PTPRD: variants seen among roughly 807,000 people sequenced by gnomAD.
The protein encoded by PTPRD is receptor-type tyrosine-protein phosphatase delta.
PTPRD carries 34 observed loss-of-function variants against 214.5 expected under a neutral mutation model. The ratio of observed to expected loss-of-function variants is 0.16; its 90% CI spans 0.12 to 0.21. The LOEUF (loss-of-function observed/expected upper bound fraction) is 0.21. Among genes scored for constraint, PTPRD ranks in the 10% least tolerant of loss-of-function variants. PTPRD has a pLI of 1.00. For missense variants in PTPRD, 2,545 were observed against 2,398.7 expected, an observed-to-expected ratio of 1.06 and a Z score of -1.27; for synonymous variants, 1,128 against 845.7, an observed-to-expected ratio of 1.33 and a Z score of -5.79.
At position 8,951,604 on chromosome 9, in the gene PTPRD, T is replaced by C. The variant is rs561429432; in HGVS notation, c.-104+67093A>G. On this transcript the variant is annotated intron_variant, in intron 11 of 45. Transcript: ENST00000381196. ...CCCATCTCCTATGTCTAATGTTCTT[T>C]ATTGCACTGCTAGTCACCCAGTTAC... 2.6e-5 allele frequency among the ~76,000 whole-genome samples: 4 copies of C among 152,148 alleles called. No homozygotes were observed. In the South Asian group the frequency reaches 8.3e-4, roughly 32 times the overall value.
chr9:9,658,696 C>G (rs993506890), intron 7 of PTPRD, among the ~76,000 whole-genome samples: 3 of 152,114 alleles, frequency 2.0e-5, no homozygotes, highest in Non-Finnish European at 2.9e-5. Flanking sequence ...CATTAAGTAG[C>G]TTAAGATATT....
intron 9 of PTPRD, among the ~76,000 whole-genome samples, chr9:9,213,075 A>T (rs2132942757): frequency 6.6e-6 from 1 of 152,318 alleles, no homozygotes; most frequent in East Asian, 1.9e-4. Context: ...AATGAAGTTG[A>T]AACGATGCAC....
chr9:9,191,649 T>G (rs539676138), intron 9 of PTPRD, among the ~76,000 whole-genome samples: 55 of 152,112 alleles, frequency 3.6e-4, no homozygotes, highest in Non-Finnish European at 7.4e-4. Context: ...TATCTGAAGT[T>G]GAAAGCAATG....
At chr9:10,590,567 G>A (rs2075177923) in intron 2 of PTPRD, among the ~76,000 whole-genome samples, 1 of 151,864 alleles carries the variant, frequency 6.6e-6, no homozygotes, top group African/African-American at 2.4e-5. Flanking sequence ...AAAGCATACT[G>A]TATATAATAT....
chr9:9,470,502 T>C (rs1042308004), intron 8 of PTPRD, among the ~76,000 whole-genome samples: 2 of 152,118 alleles, frequency 1.3e-5, no homozygotes, highest in Non-Finnish European at 2.9e-5. Context: ...ATTGGAAAAA[T>C]AGAATTTTAG....
intron 7 of PTPRD, among the ~76,000 whole-genome samples, chr9:9,712,397 TA>T (rs5896349): frequency 0.057 from 8,721 of 152,120 alleles, 610 homozygotes; most frequent in East Asian, 0.36. Flanking sequence ...GTAATTTAAT[TA>T]AAAAAAATTA....
intron 11 of PTPRD, among the ~76,000 whole-genome samples, chr9:8,845,707 A>C (rs2097679964): frequency 6.6e-6 from 1 of 152,220 alleles, no homozygotes; most frequent in Non-Finnish European, 1.5e-5. Context: ...CAAGAGGCCC[A>C]TGTGTGAGAC....
At chr9:8,323,516 C>G (rs10758953) in intron 44 of PTPRD, among the ~76,000 whole-genome samples, 43,121 of 152,014 alleles carry the variant, frequency 0.28, 6,665 homozygotes, top group East Asian at 0.39. Flanking sequence ...TCAACAGTAA[C>G]AGGAGTTTGG....
At chr9:9,789,796 CAAAAAAAAAAAAAAAAAAAAA>C (rs774579667) in intron 5 of PTPRD, among the ~76,000 whole-genome samples, 1 of 40,832 alleles carries the variant, frequency 2.4e-5, no homozygotes, top group Non-Finnish European at 4.7e-5. Context: ...AACTCTGTCT[CAAAAAAAAAAAAAAAAAAAAA>C]AAAAAAAATT....
intron 3 of PTPRD, among the ~76,000 whole-genome samples, chr9:10,074,367 AAC>A (rs2098093258): frequency 6.6e-6 from 1 of 152,130 alleles, no homozygotes; most frequent in Admixed American, 6.6e-5. Flanking sequence ...CATGTCTAGA[AAC>A]ACAGAAATAA....
chr9:10,097,716 T>A (rs977210811), intron 3 of PTPRD, among the ~76,000 whole-genome samples: 3 of 151,826 alleles, frequency 2.0e-5, no homozygotes, highest in Non-Finnish European at 2.9e-5. Context: ...TTTTCCTAAT[T>A]GAATGCCCTT....
intron 14 of PTPRD, among the ~76,000 whole-genome samples, chr9:8,539,859 A>G (rs2077941277): frequency 6.6e-6 from 1 of 152,134 alleles, no homozygotes; most frequent in African/African-American, 2.4e-5. Context: ...GGAAAATTAT[A>G]AAAACTTGAA....
At chr9:9,984,984 G>C (rs980375675) in intron 4 of PTPRD, among the ~76,000 whole-genome samples, 1 of 152,134 alleles carries the variant, frequency 6.6e-6, no homozygotes, top group African/African-American at 2.4e-5. Flanking sequence ...TCACTATAAA[G>C]GAGAGATGCT....
intron 3 of PTPRD, among the ~76,000 whole-genome samples, chr9:10,262,694 G>A (rs981832357): frequency 3.9e-5 from 6 of 152,126 alleles, no homozygotes; most frequent in Non-Finnish European, 5.9e-5. Flanking sequence ...ACCTCTCTGG[G>A]ACTTATTTTT....
In PTPRD at chr9:10,418,446, TACACACACACACACACAC is replaced by T. The variant is rs3076350; in HGVS notation, c.-599-77447_-599-77430del. On this transcript the variant is annotated intron_variant, in intron 2 of 45. Transcript: ENST00000381196. Reference sequence around the variant, plus strand: ...ACATTTAAAATGAAGCCTTCCCCTCTACACACACACACACACACACACACACACACACACACACACACA... The same window carrying T: ...ACATTTAAAATGAAGCCTTCCCCTCTACACACACACACACACACACACACA... 8.2e-3 allele frequency among the ~76,000 whole-genome samples: 1,027 copies of T among 124,732 alleles called. 4 individuals carry two copies. Among genetic ancestry groups the T allele is most frequent in the Middle Eastern group, 0.047 (12 of 256 alleles). The allele number at this position is 124,732 out of a possible 152,430, so 81.8% of individuals were successfully genotyped here.
chr9:10,333,412 T>C (rs922081819), intron 3 of PTPRD, among the ~76,000 whole-genome samples: 6 of 151,744 alleles, frequency 4.0e-5, no homozygotes, highest in African/African-American at 1.5e-4. Context: ...TTGGCAGCTA[T>C]TTTCTCTATT....
At chr9:8,602,825 C>T (rs2094949331) in intron 14 of PTPRD, among the ~76,000 whole-genome samples, 2 of 152,184 alleles carry the variant, frequency 1.3e-5, no homozygotes, top group African/African-American at 4.8e-5. Context: ...ATGTGAATAT[C>T]TTTCTATATC....
intron 14 of PTPRD, among the ~76,000 whole-genome samples, chr9:8,566,481 A>G (rs2089254837): frequency 6.6e-6 from 1 of 152,210 alleles, no homozygotes; most frequent in African/African-American, 2.4e-5. Flanking sequence ...TATCCTCAGT[A>G]TGAAACAGCT....
At chr9:8,675,520 T>TACACACACACAC (rs1188291707) in intron 12 of PTPRD, among the ~76,000 whole-genome samples, 1 of 82,912 alleles carries the variant, frequency 1.2e-5, no homozygotes, top group South Asian at 5.6e-4. Flanking sequence ...TATGCACACA[T>TACACACACACAC]ACACACACAC....
Sources: allele counts gnomAD v4.1 joint callset (sites outside exome capture counted in the v4.1 genomes callset), GRCh38; gene constraint gnomAD v4.1.1; transcripts MANE v1.5; gene names NCBI Gene and HGNC (gene_info 2026-07-23, HGNC 2026-07-21).